MAPK8IP3: variants seen among roughly 807,000 people sequenced by gnomAD.
The protein encoded by MAPK8IP3 is C-Jun-amino-terminal kinase-interacting protein 3.
In MAPK8IP3, 49 loss-of-function variants were observed where a neutral mutation model predicts 157.8. The ratio of observed to expected loss-of-function variants is 0.31; its 90% CI spans 0.25 to 0.39. MAPK8IP3 has a LOEUF of 0.39. MAPK8IP3 is among the 10% of genes least tolerant of loss of function. The probability of loss-of-function intolerance (pLI) is 1.00; values close to 1 mark genes in which losing one functional copy is unlikely to be tolerated. For synonymous variants in MAPK8IP3, 897 were observed against 777.7 expected, an observed-to-expected ratio of 1.15 and a Z score of -2.55; for missense variants, 1,478 against 1,889.4, an observed-to-expected ratio of 0.78 and a Z score of 4.04.
chr16:1,726,781 A>G (rs1380169833), intron 2 of MAPK8IP3, among the ~76,000 whole-genome samples: 9 of 152,160 alleles, frequency 5.9e-5, no homozygotes, highest in Non-Finnish European at 1.0e-4. Flanking sequence ...GGTGGTGGCT[A>G]TACTCTGCCC....
rs751742334 is a variant in MAPK8IP3, at chr16:1,766,780, G to A, written c.2997G>A (p.Leu999=). Residue 999 remains leucine (L), a synonymous_variant, in exon 24 of 32, where the codon CTG becomes CTA. Transcript: ENST00000610761. ...AGAAGTGCCTGCACTCCATCAAGCT[G>A]AAGGATTCTGTGCTGAGCCTGGTGT... ...NWKKCLHSIK[L]KDSVLSLVHV... is the part of the protein sequence containing the mutation. 3 of 1,612,788 alleles carry A rather than the reference G, an allele frequency of 1.9e-6. No individual in the cohort carries two copies. Among genetic ancestry groups the A allele is most frequent in the Non-Finnish European group, 2.5e-6 (3 of 1,179,938 alleles).
At chr16:1,708,933 G>C (rs1460725241) in intron 1 of MAPK8IP3, among the ~76,000 whole-genome samples, 1 of 152,208 alleles carries the variant, frequency 6.6e-6, no homozygotes, top group African/African-American at 2.4e-5. Context: ...CTGTGGGTCG[G>C]CGTCTTTTCT....
chr16:1,768,209 A>G lies in MAPK8IP3; in HGVS notation c.3573A>G (p.Thr1191=), dbSNP rs374041699. ...GTTCTCTCCCTGCAGCCAATAAGAC[A>G]TCCCCCACCTCTGGGGAGGGCGCCC... ...GQLLGLRANK[T]SPTSGEGARP... The change falls in exon 30 of 32, where the codon ACA becomes ACG. Residue 1191 remains threonine, a synonymous_variant. Transcript: ENST00000610761. 6.8e-5 allele frequency: 109 copies of G among 1,612,192 alleles called. No individual in the cohort carries two copies. Among genetic ancestry groups the G allele is most frequent in the Non-Finnish European group, 8.6e-5 (102 of 1,179,846 alleles).
intron 13 of MAPK8IP3, among the ~76,000 whole-genome samples, chr16:1,762,018 T>C (rs2041984346): frequency 6.6e-6 from 1 of 152,168 alleles, no homozygotes; most frequent in African/African-American, 2.4e-5. Context: ...TGTTCTGGGC[T>C]GACAGCTCTC....
At position 1,757,998 on chromosome 16, in the gene MAPK8IP3, G is replaced by T. The variant is rs1374566570; in HGVS notation, c.1217-150G>T. 7.8e-6 allele frequency: 6 copies of T among 773,898 alleles called. No homozygotes were observed. In the Admixed American group the frequency reaches 9.1e-5, roughly 12 times the overall value. The allele number at this position is 773,898 out of a possible 1,614,324, so 47.9% of individuals were successfully genotyped here. ...ACACGGGGCACCGGGACCTGCTGGAGGCTGCTCCCTCTCTCTCCTGCCCTG... is the reference window on the plus strand; with the variant it reads ...ACACGGGGCACCGGGACCTGCTGGATGCTGCTCCCTCTCTCTCCTGCCCTG... On this transcript the variant is annotated intron_variant, in intron 8 of 31. Transcript: ENST00000610761.
chr16:1,743,495 G>A lies in MAPK8IP3; in HGVS notation c.747+19G>A. On this transcript the variant is annotated intron_variant, in intron 5 of 31. Transcript: ENST00000610761. This position sits in a 1 kb window ranked among gnomAD's most constrained non-coding sequence, Gnocchi z 5.6. ...CTACCAGGTTTTGTAGCCGTGCCGT[G>A]GAGTGAGAGGCTCCTCCCTGTTGCT... The A allele has an allele frequency of 1.9e-6, 3 of 1,605,678 alleles. No individual in the cohort carries two copies. The highest frequency in any genetic ancestry group is 2.5e-6 in the Non-Finnish European group (3 of 1,178,216).
chr16:1,747,037 G>A lies in MAPK8IP3; in HGVS notation c.756G>A (p.Gln252=). 19 of 1,613,564 alleles carry A rather than the reference G, an allele frequency of 1.2e-5. No homozygotes were observed. The highest frequency in any genetic ancestry group is 1.6e-5 in the Non-Finnish European group (19 of 1,179,796). The stretch of plus-strand genomic sequence containing the variant: ...CCTGTGTTTGGCCTTAGTGTCCACA[G>A]GATGAAATGTCCGAGTCAGGCCAGT... ...LQSSSSYQCP[Q]DEMSESGQSS... Residue 252 remains glutamine, a synonymous_variant, in exon 6 of 32, where the codon CAG becomes CAA. Transcript: ENST00000610761.
Position 1,734,981 on chromosome 16 carries a change from G to A in MAPK8IP3, c.602+5403G>A, listed in dbSNP as rs111335502. 10 of 154,784 alleles carry A rather than the reference G, an allele frequency of 6.5e-5. 1 individual carries two copies. The highest frequency in any genetic ancestry group is 1.1e-3 in the Middle Eastern group (2 of 1,900). 9.6% of individuals were successfully genotyped at this position (154,784 alleles called of 1,614,324 possible). On this transcript the variant is annotated intron_variant, in intron 4 of 31. Coordinates refer to ENST00000610761, the MANE Select transcript of MAPK8IP3 (RefSeq NM_001318852.2). ...GTGTCTGTGTGGCCACATGTGTGCC[G>A]TCACCACGTGCCATGTGTACACACG...
intron 12 of MAPK8IP3, among the ~76,000 whole-genome samples, chr16:1,760,816 G>A (rs1003548192): frequency 2.0e-5 from 3 of 152,180 alleles, no homozygotes; most frequent in African/African-American, 7.2e-5. Context: ...GTTTGGCCAC[G>A]GCCCCCGGAG....
intron 8 of MAPK8IP3, among the ~76,000 whole-genome samples, chr16:1,754,669 G>A (rs1472832411): frequency 1.3e-5 from 2 of 151,942 alleles, no homozygotes; most frequent in East Asian, 3.9e-4. Context: ...TACTCAGGAG[G>A]CTGAGACAGG....
At chr16:1,738,407 TCCGTGTGAGCGTGTGA>T (rs1295827805) in intron 4 of MAPK8IP3, among the ~76,000 whole-genome samples, 18 of 97,990 alleles carry the variant, frequency 1.8e-4, no homozygotes, top group African/African-American at 8.1e-4. Context: ...CGTGTGAGCG[TCCGTGTGAGCGTGTGA>T]CCGTGTGAGA....
In MAPK8IP3 at chr16:1,724,767, C is replaced by T. The variant is rs1407640961; in HGVS notation, c.439+90C>T. 9 of 1,529,772 alleles carry T rather than the reference C, an allele frequency of 5.9e-6. No homozygotes were observed. Among genetic ancestry groups the T allele is most frequent in the African/African-American group, 1.4e-5 (1 of 72,804 alleles). 94.8% of individuals were successfully genotyped at this position (1,529,772 alleles called of 1,614,324 possible). ...GGGTGGGCATGGAGCGCCTTCCACACAAGGGGACGAGAGGAAGCCCAGTGG... is the reference window on the plus strand; with the variant it reads ...GGGTGGGCATGGAGCGCCTTCCACATAAGGGGACGAGAGGAAGCCCAGTGG... On this transcript the variant is annotated intron_variant, in intron 2 of 31. Transcript: ENST00000610761. This position sits in a 1 kb window ranked among gnomAD's most constrained non-coding sequence, Gnocchi z 4.1.
At chr16:1,718,684 G>A (rs562232950) in intron 1 of MAPK8IP3, among the ~76,000 whole-genome samples, 2 of 151,606 alleles carry the variant, frequency 1.3e-5, no homozygotes, top group East Asian at 4.0e-4. Flanking sequence ...ATCCCAGCTA[G>A]TCAGAGGCCG....
rs540036121 is a variant in MAPK8IP3 at position 1,712,460 on chromosome 16, G to A, written c.318+5803G>A. On this transcript the variant is annotated intron_variant, in intron 1 of 31. Transcript: ENST00000610761. ...GGGTCTCCCGGCCACTCCCACCGCC[G>A]CCACTTTGCCAGCCCAGAGAACCCT... 1.6e-4 allele frequency among the ~76,000 whole-genome samples: 24 copies of A among 152,158 alleles called. No individual in the cohort carries two copies. The South Asian group carries it at 3.1e-3, about 20-fold the overall frequency.
chr16:1,727,462 T>C (rs1447277302), intron 2 of MAPK8IP3, among the ~76,000 whole-genome samples: 2 of 152,198 alleles, frequency 1.3e-5, no homozygotes, highest in East Asian at 1.9e-4. Flanking sequence ...TTGTGTTGTG[T>C]GCGGTGTCTG....
Position 1,767,208 on chromosome 16 carries a change from A to G in MAPK8IP3, c.3148A>G (p.Ile1050Val). The part of the protein sequence containing the change: ...LMDLGHPHHS[I>V]RCMAVVYDRV... ...GGACCTGGGCCACCCGCACCACTCC[A>G]TCCGCTGCATGGCTGTTGTGTACGA... is the stretch of plus-strand genomic sequence containing the variant. Residue 1050 changes from isoleucine to valine, a missense_variant, in exon 26 of 32, where the codon ATC becomes GTC. This residue lies in a region of MAPK8IP3 where 669 missense variants were observed against 759.8 expected (regional missense o/e 0.88). Transcript: ENST00000610761. 1 of 1,613,420 alleles carries G rather than the reference A, an allele frequency of 6.2e-7. No individual in the cohort carries two copies.
intron 10 of MAPK8IP3, among the ~76,000 whole-genome samples, chr16:1,759,672 G>T (rs1175746646): frequency 6.6e-6 from 1 of 152,216 alleles, no homozygotes; most frequent in Non-Finnish European, 1.5e-5. Flanking sequence ...CCTGCTGGGG[G>T]CACTGAGATG....
At chr16:1,740,270 G>A (rs530931663) in intron 4 of MAPK8IP3, among the ~76,000 whole-genome samples, 3 of 146,902 alleles carry the variant, frequency 2.0e-5, no homozygotes, top group South Asian at 2.3e-4. Flanking sequence ...GTGTGTGACC[G>A]TCCGTGTGAG....
At position 1,746,720 on chromosome 16, in the gene MAPK8IP3, C is replaced by T. The variant is rs570472919; in HGVS notation, c.748-309C>T. 5 of 390,452 alleles carry T rather than the reference C, an allele frequency of 1.3e-5. No homozygotes were observed. The East Asian group carries it at 1.9e-4, about 15-fold the overall frequency. The allele number at this position is 390,452 out of a possible 1,614,324, so 24.2% of individuals were successfully genotyped here. On this transcript the variant is annotated intron_variant, in intron 5 of 31. Coordinates refer to ENST00000610761, the MANE Select transcript of MAPK8IP3 (RefSeq NM_001318852.2). Reference sequence around the variant, plus strand: ...CAGGGGGCTGCCGCTGTGTCCCTGGCGAGGCACTGGCCCATTACAAGCAAT... The same window carrying T: ...CAGGGGGCTGCCGCTGTGTCCCTGGTGAGGCACTGGCCCATTACAAGCAAT...
Sources: gnomAD v4.1 joint callset for allele counts (sites outside exome capture counted in the v4.1 genomes callset) on GRCh38, gnomAD v4.1.1 for gene constraint, gnomAD v4.1.1 regional missense constraint, Gnocchi (gnomAD v3.1) non-coding constraint, MANE v1.5 for transcripts, NCBI Gene and HGNC (gene_info 2026-07-23, HGNC 2026-07-21) for gene names.